HORMAD2: variants seen among roughly 807,000 people sequenced by gnomAD.
HORMAD2 encodes HORMA domain-containing protein 2.
Under a neutral mutation model 38.8 loss-of-function variants are expected in HORMAD2, and 45 were observed. The ratio of observed to expected loss-of-function variants is 1.16; its 90% CI spans 0.91 to 1.49. The LOEUF (loss-of-function observed/expected upper bound fraction) is 1.49, where lower values mean the gene tolerates loss of function less well. Among genes scored for constraint, HORMAD2 ranks in the 40% most tolerant of loss-of-function variants. HORMAD2 has a pLI of 0.00. For synonymous variants in HORMAD2, 126 were observed against 122.8 expected, an observed-to-expected ratio of 1.03 and a Z score of -0.17; for missense variants, 338 against 367.0, an observed-to-expected ratio of 0.92 and a Z score of 0.65.
chr22:30,160,915 T>A (rs1569116376), intron 10 of HORMAD2, among the ~76,000 whole-genome samples: 1 of 152,232 alleles, frequency 6.6e-6, no homozygotes, highest in Non-Finnish European at 1.5e-5. Context: ...AAATTAAGTT[T>A]AGGTGCATGC....
intron 10 of HORMAD2, among the ~76,000 whole-genome samples, chr22:30,134,276 G>A (rs543269069): frequency 2.6e-4 from 40 of 151,606 alleles, no homozygotes; most frequent in Admixed American, 2.4e-3. Flanking sequence ...GCGGATGCTT[G>A]TAATCCCAAC....
At chr22:30,119,729 G>A (rs891898818) in intron 8 of HORMAD2, among the ~76,000 whole-genome samples, 1 of 152,168 alleles carries the variant, frequency 6.6e-6, no homozygotes, top group Non-Finnish European at 1.5e-5. Flanking sequence ...GCTCTGGATA[G>A]TAGAGGAATC....
At chr22:30,126,291 C>T (rs1431813347) in intron 10 of HORMAD2, among the ~76,000 whole-genome samples, 1 of 152,102 alleles carries the variant, frequency 6.6e-6, no homozygotes, top group African/African-American at 2.4e-5. Context: ...GTCTCAGCCT[C>T]TCAAGTAGCT....
At chr22:30,100,273 T>C (rs1256085480) in intron 3 of HORMAD2, among the ~76,000 whole-genome samples, 1 of 152,062 alleles carries the variant, frequency 6.6e-6, no homozygotes, top group Non-Finnish European at 1.5e-5. Flanking sequence ...GCCTCAGAAA[T>C]AACACCACAC....
chr22:30,119,018 G>T lies in HORMAD2; in HGVS notation c.381G>T (p.Thr127=). 1.9e-6 allele frequency: 3 copies of T among 1,590,098 alleles called. No homozygotes were observed. Among genetic ancestry groups the T allele is most frequent in the Non-Finnish European group, 2.6e-6 (3 of 1,167,060 alleles). The change falls in exon 8 of 11, where the codon ACG becomes ACT. Residue 127 remains threonine, a synonymous_variant. Transcript: ENST00000336726. ...TEMYQFKFKY[T]KEGATMDFDS... ...TGTACCAGTTCAAATTCAAATACAC[G>T]AAAGAAGGAGCCACTATGGATTTTG...
chr22:30,151,293 T>G (rs985462521), intron 10 of HORMAD2, among the ~76,000 whole-genome samples: 1 of 152,216 alleles, frequency 6.6e-6, no homozygotes, highest in Non-Finnish European at 1.5e-5. Flanking sequence ...AGAGGGGTTT[T>G]TGGAGGAAAC....
the HORMAD2 span, among the ~76,000 whole-genome samples, chr22:30,207,320 C>T: frequency 2.6e-5 from 4 of 152,234 alleles, no homozygotes; most frequent in East Asian, 7.7e-4. Context: ...ATTCCAGGCC[C>T]AGACACTCCG....
At chr22:30,119,238 T>G (rs181275778) in intron 8 of HORMAD2, among the ~76,000 whole-genome samples, 191 bp downstream of exon 8, 66 of 152,254 alleles carry the variant, frequency 4.3e-4, no homozygotes, top group African/African-American at 1.4e-3. Flanking sequence ...CTGGTGGGAA[T>G]AGAGAAAATG....
At chr22:30,143,363 C>A (rs1298973679) in intron 10 of HORMAD2, among the ~76,000 whole-genome samples, 1 of 152,144 alleles carries the variant, frequency 6.6e-6, no homozygotes, top group Non-Finnish European at 1.5e-5. Flanking sequence ...AATCTGCTAG[C>A]AAAATTCTCT....
the HORMAD2 span, among the ~76,000 whole-genome samples, chr22:30,183,760 C>T: frequency 1.3e-5 from 2 of 152,096 alleles, no homozygotes; most frequent in Admixed American, 1.3e-4. Flanking sequence ...TGCTATTCAT[C>T]GAGATTCAGA....
Position 30,121,744 on chromosome 22 carries a change from C to T in HORMAD2, c.523C>T (p.Pro175Ser). Residue 175 changes from proline to serine, a missense_variant, in exon 9 of 11, where the codon CCT (proline) becomes TCT (serine). Pro to Ser is a moderately conservative substitution (Grantham distance 74). Coordinates refer to ENST00000336726, the MANE Select transcript of HORMAD2 (RefSeq NM_152510.4). ...YILMQDLEPL[P>S]NNVVLTMKLH... ...ACTGATGCAGGACCTTGAGCCACTT[C>T]CTAATAATGTTGTACTTACTATGAA... 1.2e-6 allele frequency: 2 copies of T among 1,612,626 alleles called. No individual in the cohort carries two copies. The highest frequency in any genetic ancestry group is 2.2e-5 in the East Asian group (1 of 44,858).
intron 1 of HORMAD2, among the ~76,000 whole-genome samples, chr22:30,083,103 T>C (rs773683344): frequency 6.6e-6 from 1 of 152,072 alleles, no homozygotes; most frequent in Non-Finnish European, 1.5e-5. Context: ...ACCTCATCTC[T>C]ACCAAAAATA....
intron 10 of HORMAD2, among the ~76,000 whole-genome samples, chr22:30,122,905 A>G (rs1922561566): frequency 6.6e-6 from 1 of 152,202 alleles, no homozygotes; most frequent in African/African-American, 2.4e-5. Flanking sequence ...ACATTGTGTT[A>G]AAAGGGTTCT....
chr22:30,156,024 AG>A (rs67498021), intron 10 of HORMAD2, among the ~76,000 whole-genome samples: 5,975 of 152,172 alleles, frequency 0.039, 318 homozygotes, highest in South Asian at 0.18. Context: ...TACCCTGCTC[AG>A]GCTCCAACTC....
intron 6 of HORMAD2, among the ~76,000 whole-genome samples, 182 bp downstream of exon 6, chr22:30,111,998 T>A (rs1260393701): frequency 6.6e-6 from 1 of 152,110 alleles, no homozygotes; most frequent in Non-Finnish European, 1.5e-5. Flanking sequence ...TATATTTCTT[T>A]GGTATAATAC....
chr22:30,130,776 A>C (rs946558046), intron 10 of HORMAD2, among the ~76,000 whole-genome samples: 1 of 151,738 alleles, frequency 6.6e-6, no homozygotes, highest in Admixed American at 6.6e-5. Flanking sequence ...TGTTTTATAG[A>C]GACAGGGTTT....
At chr22:30,198,290 G>A in the HORMAD2 span, among the ~76,000 whole-genome samples, 25 of 152,178 alleles carry the variant, frequency 1.6e-4, no homozygotes, top group African/African-American at 4.6e-4. Context: ...ATGTGTATAC[G>A]CATGTAAGTG....
At chr22:30,164,018 C>A (rs1347439473) in intron 10 of HORMAD2, among the ~76,000 whole-genome samples, 2 of 152,186 alleles carry the variant, frequency 1.3e-5, no homozygotes, top group East Asian at 3.8e-4. Flanking sequence ...TTTGACTACT[C>A]TATATACCTT....
At chr22:30,084,374 C>A (rs1957507037) in intron 1 of HORMAD2, among the ~76,000 whole-genome samples, 1 of 152,142 alleles carries the variant, frequency 6.6e-6, no homozygotes. Flanking sequence ...AATGAACCTG[C>A]TCCTGGGGTA....
Sources: allele counts gnomAD v4.1 joint callset (sites outside exome capture counted in the v4.1 genomes callset), GRCh38; gene constraint gnomAD v4.1.1; transcripts MANE v1.5; gene names NCBI Gene and HGNC (gene_info 2026-07-23, HGNC 2026-07-21).